CRACD: variants seen among roughly 807,000 people sequenced by gnomAD.
The protein encoded by CRACD is capping protein inhibiting regulator of actin dynamics.
CRACD carries 56 observed loss-of-function variants against 106.8 expected under a neutral mutation model. The ratio of observed to expected loss-of-function variants is 0.52; its 90% CI spans 0.42 to 0.66. The LOEUF (loss-of-function observed/expected upper bound fraction) is 0.66. Among genes scored for constraint, CRACD ranks in the 30% least tolerant of loss-of-function variants. The pLI, the probability that CRACD is intolerant of heterozygous loss-of-function variation, is 0.00. For missense variants in CRACD, 1,730 were observed against 1,623.2 expected (o/e 1.07, Z -1.13); for synonymous variants, 754 against 670.8 (o/e 1.12, Z -1.92).
intron 2 of CRACD, among the ~76,000 whole-genome samples, chr4:56,258,002 A>C (rs1741471830): frequency 6.6e-6 from 1 of 151,650 alleles, no homozygotes; most frequent in Non-Finnish European, 1.5e-5. Flanking sequence ...CCCGGGAGGC[A>C]GAGGTGGCAG....
At chr4:56,284,690 A>G (rs1577856230) in intron 3 of CRACD, among the ~76,000 whole-genome samples, 1 of 152,112 alleles carries the variant, frequency 6.6e-6, no homozygotes, top group Non-Finnish European at 1.5e-5. Context: ...GTGCCACTGC[A>G]CCCCAGCCTG....
At chr4:56,323,039 A>C (rs1746203680) in intron 8 of CRACD, among the ~76,000 whole-genome samples, 1 of 152,218 alleles carries the variant, frequency 6.6e-6, no homozygotes, top group African/African-American at 2.4e-5. Context: ...AACAACAAAA[A>C]GGAATGAATT....
intron 2 of CRACD, among the ~76,000 whole-genome samples, chr4:56,243,677 G>T (rs1310847445): frequency 6.6e-6 from 1 of 151,842 alleles, no homozygotes; most frequent in Non-Finnish European, 1.5e-5. Flanking sequence ...TATTTTTGGG[G>T]TACATAAGAT....
chr4:56,065,876 C>T (rs1470240731), intron 1 of CRACD, among the ~76,000 whole-genome samples: 3 of 152,156 alleles, frequency 2.0e-5, no homozygotes, highest in Non-Finnish European at 2.9e-5. Context: ...AATCTCTATT[C>T]TACTTTCTGT....
chr4:56,283,326 A>T (rs1743139765), intron 3 of CRACD, among the ~76,000 whole-genome samples: 1 of 152,148 alleles, frequency 6.6e-6, no homozygotes, highest in Admixed American at 6.5e-5. Flanking sequence ...GCAGACCTAG[A>T]AGCATAGTGT....
intron 2 of CRACD, among the ~76,000 whole-genome samples, chr4:56,234,533 T>A (rs1304823458): frequency 2.0e-5 from 3 of 152,216 alleles, no homozygotes; most frequent in Non-Finnish European, 4.4e-5. Flanking sequence ...ATAACACTGC[T>A]GTGAACATTG....
At chr4:56,142,884 C>T (rs896883874) in intron 1 of CRACD, among the ~76,000 whole-genome samples, 2 of 151,944 alleles carry the variant, frequency 1.3e-5, no homozygotes, top group Non-Finnish European at 2.9e-5. Context: ...CCTAACATGC[C>T]TCTATGATTA....
At chr4:56,128,988 C>T (rs1366791543) in intron 1 of CRACD, among the ~76,000 whole-genome samples, 1 of 151,992 alleles carries the variant, frequency 6.6e-6, no homozygotes, top group African/African-American at 2.4e-5. Context: ...ATTTTTGGGA[C>T]CTATTTTTAA....
Position 56,327,649 on chromosome 4 carries a change from A to C in CRACD, c.3547A>C (p.Ile1183Leu). ...NTLPTSVTVE[I>L]SDSAPPAPLV... is the part of the protein sequence containing the mutation. ...TCCTTCAAAACAAAATCCAGTGGAG[A>C]TCTCCGACTCGGCTCCCCCAGCGCC... The change falls in exon 11 of 11, where the codon ATC becomes CTC. Residue 1183 changes from isoleucine to leucine, a missense_variant. Ile to Leu is a conservative substitution (Grantham distance 5). Around this residue, in one of 5 missense-constraint regions of CRACD, gnomAD observed 89 missense variants for 89.6 expected, o/e 0.99. Coordinates refer to ENST00000682029, the MANE Select transcript of CRACD (RefSeq NM_001393381.1). 1.2e-6 allele frequency: 2 copies of C among 1,612,862 alleles called. No homozygotes were observed. Among genetic ancestry groups the C allele is most frequent in the Non-Finnish European group, 1.7e-6 (2 of 1,179,462 alleles).
At chr4:56,106,159 G>A (rs1285890259) in intron 1 of CRACD, among the ~76,000 whole-genome samples, 1 of 141,514 alleles carries the variant, frequency 7.1e-6, no homozygotes, top group African/African-American at 2.8e-5. Context: ...GGGCCTGGAT[G>A]AGGCAACTGT....
intron 2 of CRACD, among the ~76,000 whole-genome samples, chr4:56,255,252 G>A (rs1741291761): frequency 6.6e-6 from 1 of 151,452 alleles, no homozygotes; most frequent in Non-Finnish European, 1.5e-5. Flanking sequence ...ATTTCTAGCT[G>A]TCTAACTGAT....
At chr4:56,130,014 G>A (rs756049054) in intron 1 of CRACD, among the ~76,000 whole-genome samples, 24 of 152,126 alleles carry the variant, frequency 1.6e-4, no homozygotes, top group Admixed American at 4.6e-4. Context: ...TGGCTCATAT[G>A]TGTAGTCATG....
chr4:56,207,183 C>T (rs1738162220), intron 2 of CRACD, among the ~76,000 whole-genome samples: 1 of 152,212 alleles, frequency 6.6e-6, no homozygotes, highest in African/African-American at 2.4e-5. Flanking sequence ...CAACATATTC[C>T]TCCATGTGCA....
chr4:56,308,173 A>G (rs1577890605), intron 5 of CRACD, among the ~76,000 whole-genome samples: 2 of 152,322 alleles, frequency 1.3e-5, no homozygotes, highest in Non-Finnish European at 2.9e-5. Flanking sequence ...AGTACTGCCT[A>G]ATTATTTGTC....
chr4:56,117,760 T>C (rs1203693678), intron 1 of CRACD, among the ~76,000 whole-genome samples: 1 of 152,164 alleles, frequency 6.6e-6, no homozygotes, highest in Non-Finnish European at 1.5e-5. Flanking sequence ...TTTATGAATG[T>C]TTTTTGTTTG....
intron 1 of CRACD, among the ~76,000 whole-genome samples, chr4:56,173,517 G>T (rs1315016561): frequency 6.6e-6 from 1 of 152,144 alleles, no homozygotes; most frequent in African/African-American, 2.4e-5. Context: ...ATGACACCTC[G>T]CTATATTAAA....
intron 1 of CRACD, among the ~76,000 whole-genome samples, chr4:56,087,886 C>T (rs1733283222): frequency 6.6e-6 from 1 of 152,140 alleles, no homozygotes; most frequent in South Asian, 2.1e-4. Context: ...TGTATCCTTC[C>T]TTCACCTGTC....
At chr4:56,137,718 T>G (rs575966102) in intron 1 of CRACD, among the ~76,000 whole-genome samples, 2 of 152,218 alleles carry the variant, frequency 1.3e-5, no homozygotes, top group Non-Finnish European at 2.9e-5. Flanking sequence ...ACCAGCATGG[T>G]GGTGCACGCC....
intron 10 of CRACD, 128 bp downstream of exon 10, chr4:56,324,394 C>A (rs1267898922): frequency 3.6e-6 from 3 of 831,958 alleles, no homozygotes; most frequent in East Asian, 2.8e-5. Flanking sequence ...TATCTGATAA[C>A]CTCATTCATA....
Sources: gnomAD v4.1 joint callset for allele counts (sites outside exome capture counted in the v4.1 genomes callset) on GRCh38, gnomAD v4.1.1 for gene constraint, gnomAD v4.1.1 regional missense constraint, MANE v1.5 for transcripts, NCBI Gene and HGNC (gene_info 2026-07-23, HGNC 2026-07-21) for gene names.